SULT2B1: variants seen among roughly 807,000 people sequenced by gnomAD.
SULT2B1 encodes sulfotransferase 2B1.
SULT2B1 carries 16 observed loss-of-function variants against 33.2 expected under a neutral mutation model. The ratio of observed to expected loss-of-function variants is 0.48; its 90% CI spans 0.33 to 0.73. SULT2B1 has a LOEUF of 0.73. SULT2B1 is among the 30% of genes least tolerant of loss of function. SULT2B1 has a pLI of 0.02. For missense variants in SULT2B1, 500 were observed against 506.0 expected (o/e 0.99, Z 0.11); for synonymous variants, 186 against 200.5 (o/e 0.93, Z 0.61).
intron 1 of SULT2B1, among the ~76,000 whole-genome samples, chr19:48,557,746 G>A (rs1048026821): frequency 6.6e-6 from 1 of 151,436 alleles, no homozygotes; most frequent in Non-Finnish European, 1.5e-5. Context: ...GAGAAACCCC[G>A]TCTCTACTAA....
chr19:48,557,256 G>A (rs1218360685), intron 1 of SULT2B1, among the ~76,000 whole-genome samples: 1 of 151,934 alleles, frequency 6.6e-6, no homozygotes, highest in Non-Finnish European at 1.5e-5. Flanking sequence ...TTTAATATGT[G>A]AGATCGGGCT....
intron 5 of SULT2B1, among the ~76,000 whole-genome samples, chr19:48,595,281 TAA>T (rs35536990): frequency 6.9e-4 from 103 of 149,730 alleles, no homozygotes; most frequent in Middle Eastern, 3.5e-3. Context: ...AAACTCCGTC[TAA>T]AAAAAAAAAG....
At chr19:48,597,227 G>A (rs1384322086) in intron 6 of SULT2B1, among the ~76,000 whole-genome samples, 6 of 152,224 alleles carry the variant, frequency 3.9e-5, no homozygotes, top group Non-Finnish European at 7.4e-5. Flanking sequence ...CCATGTTCAC[G>A]GCAGAAATAC....
At chr19:48,558,788 G>A (rs1182749042) in intron 1 of SULT2B1, among the ~76,000 whole-genome samples, 2 of 147,220 alleles carry the variant, frequency 1.4e-5, no homozygotes, top group Non-Finnish European at 3.0e-5. Context: ...GGGTTCAAGC[G>A]ATTCTCCTGC....
intron 1 of SULT2B1, among the ~76,000 whole-genome samples, chr19:48,566,374 G>T (rs1399767230): frequency 6.6e-6 from 1 of 151,992 alleles, no homozygotes; most frequent in Non-Finnish European, 1.5e-5. Context: ...ACGAGCCACC[G>T]CACCCAGGCT....
At chr19:48,565,252 A>C (rs1445378699) in intron 1 of SULT2B1, among the ~76,000 whole-genome samples, 2 of 152,064 alleles carry the variant, frequency 1.3e-5, no homozygotes, top group African/African-American at 4.8e-5. Flanking sequence ...TGCATTTCAA[A>C]GTAAGTTACA....
At chr19:48,575,829 A>T (rs536185748) in intron 1 of SULT2B1, 112 bp from the exon 2 acceptor site, 1 of 1,516,922 alleles carries the variant, frequency 6.6e-7, no homozygotes, top group Admixed American at 2.1e-5. Context: ...CAGAAGAGGG[A>T]CTGAGGCTCT....
Position 48,576,015 on chromosome 19 carries a change from T to A in SULT2B1, c.146T>A (p.Ile49Asn). Residue 49 changes from isoleucine to asparagine, a missense_variant, in exon 2 of 7, where the codon ATC (isoleucine) becomes AAC (asparagine). Physicochemically the swap from Ile to Asn is moderately radical, Grantham distance 149. Coordinates refer to ENST00000201586, the MANE Select transcript of SULT2B1 (RefSeq NM_177973.2). ...FPVGLYSLESISLAENTQDVR... is the reference protein window; with the variant it reads ...FPVGLYSLESNSLAENTQDVR... ...GTCGGCCTGTACTCGCTCGAGAGCA[T>A]CAGCTTGGCGGAGAACACCCAAGAT... The A allele has an allele frequency of 6.2e-7, 1 of 1,613,922 alleles. No individual in the cohort carries two copies. The highest frequency in any genetic ancestry group is 8.5e-7 in the Non-Finnish European group (1 of 1,179,960).
Position 48,591,237 on chromosome 19 carries a change from G to GT in SULT2B1, c.424-371dup, listed in dbSNP as rs568338344. The GT allele has an allele frequency of 1.2e-3, 205 of 171,680 alleles. 1 individual carries two copies. The highest frequency in any genetic ancestry group is 4.8e-3 in the African/African-American group (202 of 41,946). 10.6% of individuals were successfully genotyped at this position (171,680 alleles called of 1,614,324 possible). On this transcript the variant is annotated intron_variant, in intron 3 of 6. Coordinates refer to ENST00000201586, the MANE Select transcript of SULT2B1 (RefSeq NM_177973.2). Reference sequence around the variant, plus strand: ...CTCTGGGCTAAGGCTCTAGGAACGTGTAAGACCTTGCCTGTCCTCAAGGGG... The same window carrying GT: ...CTCTGGGCTAAGGCTCTAGGAACGTGTTAAGACCTTGCCTGTCCTCAAGGGG...
At chr19:48,585,048 CAAAAA>C (rs57540837) in intron 2 of SULT2B1, among the ~76,000 whole-genome samples, 1 of 62,226 alleles carries the variant, frequency 1.6e-5, no homozygotes, top group Non-Finnish European at 2.7e-5. Context: ...GACTCCTTCT[CAAAAA>C]AAAAAAAAAA....
At chr19:48,573,528 CA>C (rs1025482622) in intron 1 of SULT2B1, among the ~76,000 whole-genome samples, 1 of 151,670 alleles carries the variant, frequency 6.6e-6, no homozygotes, top group African/African-American at 2.4e-5. Context: ...GGGTGGGGGA[CA>C]GGGGGGTCCT....
At position 48,577,028 on chromosome 19, in the gene SULT2B1, ATTTTTTTT is replaced by A. The variant is rs71179012; in HGVS notation, c.214+963_214+970del. On this transcript the variant is annotated intron_variant, in intron 2 of 6. Coordinates refer to ENST00000201586, the MANE Select transcript of SULT2B1 (RefSeq NM_177973.2). ...TGGGCAAAATGGCAAACCCCCCTCT[ATTTTTTTT>A]TTTTTTTTTTTTTTTTTGTGACGGA... Among the ~76,000 whole-genome samples, 46 of 92,936 alleles carry A rather than the reference ATTTTTTTT, an allele frequency of 4.9e-4. 1 individual carries two copies. Among genetic ancestry groups the A allele is most frequent in the Middle Eastern group, 8.1e-3 (1 of 124 alleles). The allele number at this position is 92,936 out of a possible 152,430, so 61.0% of individuals were successfully genotyped here. A position where few individuals can be genotyped will look rare whatever the true frequency, so the allele number is the denominator to read the frequency against.
intron 1 of SULT2B1, among the ~76,000 whole-genome samples, chr19:48,554,593 G>A (rs1312198083): frequency 5.4e-5 from 7 of 129,202 alleles, no homozygotes; most frequent in African/African-American, 1.2e-4. Context: ...ATTCCTCAGC[G>A]CCCAGCCCTC....
intron 4 of SULT2B1, among the ~76,000 whole-genome samples, chr19:48,592,414 G>A (rs952599879): frequency 6.6e-6 from 1 of 152,224 alleles, no homozygotes; most frequent in African/African-American, 2.4e-5. Flanking sequence ...GAAAGGCAGC[G>A]CCCTTTGGCC....
chr19:48,572,197 T>G (rs62130286), intron 1 of SULT2B1, among the ~76,000 whole-genome samples: 98,156 of 151,834 alleles, frequency 0.65, 32,496 homozygotes, highest in African/African-American at 0.74. Context: ...AGGAGGCTAT[T>G]GGTCTAGAAG....
At chr19:48,586,976 G>C (rs1200392895) in intron 2 of SULT2B1, among the ~76,000 whole-genome samples, 2 of 152,056 alleles carry the variant, frequency 1.3e-5, no homozygotes, top group Non-Finnish European at 2.9e-5. Context: ...CAGGCGTGGT[G>C]GTGGGCGCTT....
intron 1 of SULT2B1, among the ~76,000 whole-genome samples, chr19:48,569,358 AAAAACATATATATATATATATATATAT>A (rs1973287284): frequency 1.1e-4 from 2 of 17,862 alleles, no homozygotes; most frequent in Non-Finnish European, 2.0e-4. Flanking sequence ...AAAAAAAAAA[AAAAACATATATATATATATATATATAT>A]ATATATATAT....
Position 48,552,289 on chromosome 19 carries a change from T to C in SULT2B1, c.37T>C (p.Trp13Arg). Reference protein sequence around the residue: ...GPAEPQIPGLWDTYEDDISEI... With the variant: ...GPAEPQIPGLRDTYEDDISEI... ...CGCCGAGCCCCAGATCCCGGGCTTG[T>C]GGGACACCTATGAAGATGACATCTC... is the stretch of plus-strand genomic sequence containing the variant. Residue 13 changes from tryptophan (W) to arginine (R), a missense_variant, in exon 1 of 7, where the codon TGG (tryptophan) becomes CGG (arginine). Coordinates refer to ENST00000201586, the MANE Select transcript of SULT2B1 (RefSeq NM_177973.2). The surrounding 1 kb of genome is among the most constrained non-coding windows in gnomAD (Gnocchi z 4.8). 1.2e-6 allele frequency: 2 copies of C among 1,614,002 alleles called. No homozygotes were observed. The highest frequency in any genetic ancestry group is 1.7e-6 in the Non-Finnish European group (2 of 1,179,948).
chr19:48,597,960 C>T (rs1973743096), intron 6 of SULT2B1, among the ~76,000 whole-genome samples: 1 of 152,040 alleles, frequency 6.6e-6, no homozygotes, highest in African/African-American at 2.4e-5. Flanking sequence ...AATCTCTGAC[C>T]CTCCTCCCTT....
Sources: allele counts gnomAD v4.1 joint callset (sites outside exome capture counted in the v4.1 genomes callset), GRCh38; gene constraint gnomAD v4.1.1; non-coding constraint Gnocchi (gnomAD v3.1); transcripts MANE v1.5; gene names NCBI Gene and HGNC (gene_info 2026-07-23, HGNC 2026-07-21).